CHCHD6: variants seen among roughly 807,000 people sequenced by gnomAD.
CHCHD6 encodes coiled-coil-helix-coiled-coil-helix domain containing 6.
Under a neutral mutation model 32.3 loss-of-function variants are expected in CHCHD6, and 28 were observed. The observed-to-expected ratio is 0.87, with a 90% CI of 0.64 to 1.19. The LOEUF (loss-of-function observed/expected upper bound fraction) is 1.19. Ranked by LOEUF, CHCHD6 falls within the 50% of genes most tolerant of loss-of-function variation. The pLI is 0.00. For synonymous variants in CHCHD6, 122 were observed against 117.5 expected, an observed-to-expected ratio of 1.04 and a Z score of -0.25; for missense variants, 333 against 307.0, an observed-to-expected ratio of 1.08 and a Z score of -0.63.
intron 6 of CHCHD6, among the ~76,000 whole-genome samples, chr3:126,916,400 T>TAAA (rs11338384): frequency 7.2e-6 from 1 of 139,744 alleles, no homozygotes; most frequent in Non-Finnish European, 1.5e-5. Flanking sequence ...GAATCCATCT[T>TAAA]AAAAAAAAAA....
At chr3:126,888,923 G>A (rs558513038) in intron 5 of CHCHD6, among the ~76,000 whole-genome samples, 3 of 152,322 alleles carry the variant, frequency 2.0e-5, no homozygotes, top group Admixed American at 2.0e-4. Flanking sequence ...CTGCCACAGG[G>A]AGGCCCACGT....
chr3:126,802,993 C>G (rs1242825987), intron 4 of CHCHD6, among the ~76,000 whole-genome samples: 1 of 151,990 alleles, frequency 6.6e-6, no homozygotes, highest in Non-Finnish European at 1.5e-5. Flanking sequence ...AAATAAAATC[C>G]TTTACAGACA....
intron 6 of CHCHD6, among the ~76,000 whole-genome samples, chr3:126,926,815 C>G (rs2078331013): frequency 6.6e-6 from 1 of 152,004 alleles, no homozygotes; most frequent in Non-Finnish European, 1.5e-5. Flanking sequence ...TTGGGAGAAC[C>G]AAGCAGTAAT....
intron 4 of CHCHD6, among the ~76,000 whole-genome samples, chr3:126,816,504 A>G (rs528845242): frequency 6.6e-6 from 1 of 152,224 alleles, no homozygotes; most frequent in East Asian, 1.9e-4. Context: ...GCGTCCCTTC[A>G]GGAAGGGTCT....
At chr3:126,744,103 A>G (rs1287741684) in intron 4 of CHCHD6, among the ~76,000 whole-genome samples, 1 of 152,084 alleles carries the variant, frequency 6.6e-6, no homozygotes, top group Non-Finnish European at 1.5e-5. Flanking sequence ...CCCTAGGACA[A>G]CCTGACAGCA....
intron 4 of CHCHD6, among the ~76,000 whole-genome samples, chr3:126,816,939 A>C (rs1041042079): frequency 3.3e-5 from 5 of 151,406 alleles, no homozygotes; most frequent in Non-Finnish European, 7.4e-5. Context: ...TTCAATTTCC[A>C]CCTATGAGTG....
rs1207005856 is a variant in CHCHD6, at chr3:126,704,301, C to CGGCATCTCGCCATGGGGA, written c.-10_8dup. On this transcript the variant is annotated 5_prime_UTR_variant, in exon 1 of 8. In the 5' UTR this introduces an upstream ATG that the reference lacks. Coordinates refer to ENST00000290913, the MANE Select transcript of CHCHD6 (RefSeq NM_032343.3). ...TCGGGTCTGGTGGCTGCCGGCCCTG[C>CGGCATCTCGCCATGGGGA]GGCATCTCGCCATGGGGAGCACGGA... 1 of 1,600,078 alleles carries CGGCATCTCGCCATGGGGA rather than the reference C, an allele frequency of 6.2e-7. No homozygotes were observed. Among genetic ancestry groups the CGGCATCTCGCCATGGGGA allele is most frequent in the Admixed American group, 1.7e-5 (1 of 59,418 alleles).
At chr3:126,751,622 T>A (rs1936723849) in intron 4 of CHCHD6, among the ~76,000 whole-genome samples, 1 of 151,918 alleles carries the variant, frequency 6.6e-6, no homozygotes, top group Non-Finnish European at 1.5e-5. Context: ...AGACCTGGGT[T>A]TTTAGGGTTT....
intron 5 of CHCHD6, among the ~76,000 whole-genome samples, chr3:126,894,240 G>A (rs554574535): frequency 4.6e-5 from 7 of 152,338 alleles, no homozygotes; most frequent in African/African-American, 1.7e-4. Flanking sequence ...GCTCAAAGAA[G>A]TGACGTGCTG....
At chr3:126,911,385 A>G (rs887200339) in intron 5 of CHCHD6, among the ~76,000 whole-genome samples, 1 of 152,034 alleles carries the variant, frequency 6.6e-6, no homozygotes, top group African/African-American at 2.4e-5. Flanking sequence ...GTCTGGGTCC[A>G]CTCCAGCAGC....
At chr3:126,738,521 ACTC>A (rs1390927845) in intron 4 of CHCHD6, among the ~76,000 whole-genome samples, 7 of 151,816 alleles carry the variant, frequency 4.6e-5, no homozygotes, top group African/African-American at 1.5e-4. Context: ...CAGATTATAA[ACTC>A]CTTGAGAATA....
chr3:126,718,573 T>C (rs1474216968), intron 1 of CHCHD6, among the ~76,000 whole-genome samples: 2 of 152,218 alleles, frequency 1.3e-5, no homozygotes, highest in African/African-American at 4.8e-5. Context: ...CAGGCCAGCC[T>C]TGAGGGAGGC....
chr3:126,818,582 A>T (rs536776974), intron 4 of CHCHD6, among the ~76,000 whole-genome samples: 1 of 152,350 alleles, frequency 6.6e-6, no homozygotes, highest in South Asian at 2.1e-4. Flanking sequence ...CACCATGGCA[A>T]CATGGTAGCC....
chr3:126,775,130 G>C (rs1478865808), intron 4 of CHCHD6, among the ~76,000 whole-genome samples: 1 of 152,190 alleles, frequency 6.6e-6, no homozygotes, highest in Non-Finnish European at 1.5e-5. Context: ...CTCTTGCAGT[G>C]TCTTATTTTT....
chr3:126,906,520 G>A (rs1356934663), intron 5 of CHCHD6, among the ~76,000 whole-genome samples: 1 of 152,190 alleles, frequency 6.6e-6, no homozygotes, highest in Non-Finnish European at 1.5e-5. Context: ...TCATCTTGCT[G>A]CTTTACGCCG....
chr3:126,790,295 T>A (rs935792245), intron 4 of CHCHD6, among the ~76,000 whole-genome samples: 5 of 152,164 alleles, frequency 3.3e-5, no homozygotes, highest in Non-Finnish European at 5.9e-5. Flanking sequence ...CTGACAGTTA[T>A]GTGTCTTGGA....
chr3:126,874,925 G>A (rs1006909349), intron 5 of CHCHD6, among the ~76,000 whole-genome samples: 2 of 152,174 alleles, frequency 1.3e-5, no homozygotes, highest in African/African-American at 2.4e-5. Flanking sequence ...CCAGCAGAAT[G>A]GACCTGCTTC....
intron 4 of CHCHD6, among the ~76,000 whole-genome samples, chr3:126,741,963 G>C (rs1009406982): frequency 3.3e-5 from 5 of 152,174 alleles, no homozygotes; most frequent in African/African-American, 1.2e-4. Context: ...CTCCTGCCTA[G>C]ATGAATAGCT....
intron 4 of CHCHD6, among the ~76,000 whole-genome samples, chr3:126,752,097 T>G (rs1171427516): frequency 1.3e-5 from 2 of 152,176 alleles, no homozygotes; most frequent in Non-Finnish European, 2.9e-5. Flanking sequence ...ATTTTGAAAT[T>G]GGCATTCCTG....
Sources: allele counts gnomAD v4.1 joint callset (sites outside exome capture counted in the v4.1 genomes callset), GRCh38; gene constraint gnomAD v4.1.1; transcripts MANE v1.5; gene names NCBI Gene and HGNC (gene_info 2026-07-23, HGNC 2026-07-21).